Variants in CISD2 observed in about 807,000 individuals in gnomAD.
The protein encoded by CISD2 is CDGSH iron sulfur domain 2, also known as CDGSH iron-sulfur domain-containing protein 2.
In CISD2, 1 loss-of-function variant was observed where a neutral mutation model predicts 12.9. The ratio of observed to expected loss-of-function variants is 0.08; its 90% CI spans 0.03 to 0.37. CISD2 has a LOEUF of 0.37. Ranked by LOEUF, CISD2 falls within the 10% of genes least tolerant of loss-of-function variation. The pLI is 0.99. For missense variants in CISD2, 97 were observed against 163.1 expected (o/e 0.59, Z 2.21); for synonymous variants, 50 against 60.6 (o/e 0.83, Z 0.81).
chr4:102,875,116 A>G (rs2110393619), intron 1 of CISD2, among the ~76,000 whole-genome samples: 1 of 152,306 alleles, frequency 6.6e-6, no homozygotes, highest in South Asian at 2.1e-4. Context: ...TTCTAACAAT[A>G]CTATGGTGCT....
chr4:102,890,808 C>CTTA lies in CISD2; in HGVS notation c.*3378_*3379insTTA, dbSNP rs1560910006. 3.6e-4 allele frequency: 43 copies of CTTA among 117,862 alleles called. 1 individual carries two copies. Among genetic ancestry groups the CTTA allele is most frequent in the African/African-American group, 1.5e-3 (39 of 25,740 alleles). The allele number at this position is 117,862 out of a possible 1,614,324, so 7.3% of individuals were successfully genotyped here. On this transcript the variant is annotated 3_prime_UTR_variant, in exon 3 of 3. Transcript: ENST00000273986. ...TGAGCCAAGATTGTGCCACTGCACT[C>CTTA]CAGCCTGGGCAACAGAAGTGAAACC...
At chr4:102,875,351 A>G (rs540460584) in intron 1 of CISD2, among the ~76,000 whole-genome samples, 243 of 152,382 alleles carry the variant, frequency 1.6e-3, no homozygotes, top group Non-Finnish European at 2.8e-3. Flanking sequence ...GATAGTACAC[A>G]GTATTATGAT....
Position 102,892,015 on chromosome 4 carries a change from A to G in CISD2, c.*4585A>G, listed in dbSNP as rs1276044671. On this transcript the variant is annotated 3_prime_UTR_variant, in exon 3 of 3. Coordinates refer to ENST00000273986, the MANE Select transcript of CISD2 (RefSeq NM_001008388.5). ...GTTTGTCCTAATAGTCTTTTACTGG[A>G]AACTTGCTATATTTGATCATGTTCA... 6.6e-6 allele frequency: 1 copy of G among 152,166 alleles called. No individual in the cohort carries two copies. The highest frequency in any genetic ancestry group is 1.5e-5 in the Non-Finnish European group (1 of 68,034). 9.4% of individuals were successfully genotyped at this position (152,166 alleles called of 1,614,324 possible). A position where few individuals can be genotyped will look rare whatever the true frequency, so the allele number is the denominator to read the frequency against.
In CISD2 at chr4:102,889,610, G is replaced by A. The variant is rs1046372271; in HGVS notation, c.*2180G>A. ...AATTTTAATACCCCAAAAGTAAGAT[G>A]GTTGTACTCTCAGAATAAAGACTTT... On this transcript the variant is annotated 3_prime_UTR_variant, in exon 3 of 3. Coordinates refer to ENST00000273986, the MANE Select transcript of CISD2 (RefSeq NM_001008388.5). The A allele has an allele frequency of 1.1e-4, 17 of 150,372 alleles. No individual in the cohort carries two copies. The highest frequency in any genetic ancestry group is 6.0e-4 in the Admixed American group (9 of 14,936). The allele number at this position is 150,372 out of a possible 1,614,324, so 9.3% of individuals were successfully genotyped here.
intron 2 of CISD2, 86 bp from the exon 3 acceptor site, chr4:102,887,255 C>T (rs1343494780): frequency 1.3e-6 from 1 of 796,376 alleles, no homozygotes; most frequent in Non-Finnish European, 2.1e-6. Context: ...AAGTGATATG[C>T]TTTCTTTCTG....
At chr4:102,883,189 A>G (rs1413621800) in intron 1 of CISD2, among the ~76,000 whole-genome samples, 3 of 152,268 alleles carry the variant, frequency 2.0e-5, no homozygotes, top group Non-Finnish European at 2.9e-5. Context: ...AAACCAACCA[A>G]TCCAAAGCCC....
At chr4:102,871,848 C>T (rs1345474361) in intron 1 of CISD2, among the ~76,000 whole-genome samples, 3 of 152,030 alleles carry the variant, frequency 2.0e-5, no homozygotes, top group South Asian at 2.1e-4. Flanking sequence ...TTATTGCCTA[C>T]ATTTCCTTCC....
At chr4:102,875,379 T>C (rs1733569523) in intron 1 of CISD2, among the ~76,000 whole-genome samples, 1 of 152,254 alleles carries the variant, frequency 6.6e-6, no homozygotes, top group South Asian at 2.1e-4. Context: ...TATAGGTCTG[T>C]CTTCCATACT....
At chr4:102,882,399 C>T (rs1196615900) in intron 1 of CISD2, among the ~76,000 whole-genome samples, 1 of 152,124 alleles carries the variant, frequency 6.6e-6, no homozygotes, top group African/African-American at 2.4e-5. Flanking sequence ...TCAGATAAAA[C>T]AGAAGGAACT....
rs998003921 is a variant in CISD2, at chr4:102,869,304, C to T, written c.103+117C>T. 7.1e-6 allele frequency: 10 copies of T among 1,400,788 alleles called. No homozygotes were observed. In the African/African-American group the frequency reaches 1.1e-4, roughly 16 times the overall value. 86.8% of individuals were successfully genotyped at this position (1,400,788 alleles called of 1,614,324 possible). On this transcript the variant is annotated intron_variant, in intron 1 of 2. Transcript: ENST00000273986. Reference sequence around the variant, plus strand: ...GAGCTCGGCGCCTGGCACGTGATCCCCGCGCGCAGAGGAAGGTGGGCGCGC... The same window carrying T: ...GAGCTCGGCGCCTGGCACGTGATCCTCGCGCGCAGAGGAAGGTGGGCGCGC...
chr4:102,880,241 G>A (rs1253489504), intron 1 of CISD2, among the ~76,000 whole-genome samples: 2 of 152,048 alleles, frequency 1.3e-5, no homozygotes, highest in African/African-American at 4.8e-5. Flanking sequence ...ACCACGCCCA[G>A]CCCCCTTGTA....
chr4:102,873,145 A>T (rs1351056060), intron 1 of CISD2, among the ~76,000 whole-genome samples: 1 of 152,024 alleles, frequency 6.6e-6, no homozygotes, highest in Non-Finnish European at 1.5e-5. Flanking sequence ...AATTACCTCC[A>T]CCTGGTCTTT....
At chr4:102,871,112 A>G (rs949289755) in intron 1 of CISD2, among the ~76,000 whole-genome samples, 2 of 152,224 alleles carry the variant, frequency 1.3e-5, no homozygotes, top group East Asian at 1.9e-4. Flanking sequence ...AAAATGTCCA[A>G]TGAATTACCT....
At chr4:102,881,333 G>C (rs936441236) in intron 1 of CISD2, among the ~76,000 whole-genome samples, 7 of 152,068 alleles carry the variant, frequency 4.6e-5, no homozygotes, top group African/African-American at 1.7e-4. Flanking sequence ...ACTATAGTAC[G>C]GTTATATAGA....
chr4:102,881,942 A>G (rs998681728), intron 1 of CISD2, among the ~76,000 whole-genome samples: 31 of 152,338 alleles, frequency 2.0e-4, no homozygotes, highest in African/African-American at 6.3e-4. Flanking sequence ...CTGTAATCCC[A>G]GGACTTCGTG....
In CISD2 at chr4:102,873,245, T is replaced by TGAATA. The variant is rs531902868; in HGVS notation, c.103+4061_103+4062insTAGAA. On this transcript the variant is annotated intron_variant, in intron 1 of 2. Coordinates refer to ENST00000273986, the MANE Select transcript of CISD2 (RefSeq NM_001008388.5). The stretch of plus-strand genomic sequence containing the variant: ...ACCAAATCAGCTATTCAAGTTGCTT[T>TGAATA]GAAATTTTCTTTTCTGACTAGATTT... Among the ~76,000 whole-genome samples the TGAATA allele has an allele frequency of 2.7e-3, 417 of 152,298 alleles. 2 individuals are homozygous for TGAATA. Among genetic ancestry groups the TGAATA allele is most frequent in the African/African-American group, 9.7e-3 (405 of 41,554 alleles).
At chr4:102,872,114 T>TTGCC (rs1362826058) in intron 1 of CISD2, among the ~76,000 whole-genome samples, 10 of 152,188 alleles carry the variant, frequency 6.6e-5, no homozygotes, top group Admixed American at 1.3e-4. Context: ...GGAGTCTCTT[T>TTGCC]TGCCCACACT....
chr4:102,886,441 A>C (rs1385165156), intron 2 of CISD2, among the ~76,000 whole-genome samples: 2 of 152,048 alleles, frequency 1.3e-5, no homozygotes, highest in African/African-American at 2.4e-5. Flanking sequence ...CAGTGAGCCA[A>C]GATCACGCCA....
rs35045951 is a variant in CISD2, at chr4:102,888,054, CTGTGTGTGTGTGTGTGTGTGTGTG to C, written c.*630_*653del. The C allele has an allele frequency of 6.8e-6, 1 of 148,106 alleles. No homozygotes were observed. Among genetic ancestry groups the C allele is most frequent in the African/African-American group, 2.5e-5 (1 of 39,838 alleles). The allele number at this position is 148,106 out of a possible 1,614,324, so 9.2% of individuals were successfully genotyped here. On this transcript the variant is annotated 3_prime_UTR_variant, in exon 3 of 3. Coordinates refer to ENST00000273986, the MANE Select transcript of CISD2 (RefSeq NM_001008388.5). ...TGTTTACTTTACAAAAGGCTTGTGTCTGTGTGTGTGTGTGTGTGTGTGTGTGTGTATTTTAAACTGACTCAGTGA... is the reference window on the plus strand; with the variant it reads ...TGTTTACTTTACAAAAGGCTTGTGTCTGTGTATTTTAAACTGACTCAGTGA...
Sources: gnomAD v4.1 joint callset for allele counts (sites outside exome capture counted in the v4.1 genomes callset) on GRCh38, gnomAD v4.1.1 for gene constraint, MANE v1.5 for transcripts, NCBI Gene and HGNC (gene_info 2026-07-23, HGNC 2026-07-21) for gene names.